The following NLRP1 variants were observed in gnomAD, a reference collection of about 807,000 sequenced individuals.
NLRP1 encodes NACHT, LRR and PYD domains-containing protein 1.
A neutral mutation model predicts 136.7 loss-of-function variants in NLRP1; 94 were observed. The observed-to-expected ratio is 0.69, with a 90% CI of 0.58 to 0.82. The LOEUF is 0.82. Ranked by LOEUF, NLRP1 falls within the 40% of genes least tolerant of loss-of-function variation. NLRP1 has a pLI of 0.00. For synonymous variants in NLRP1, 690 were observed against 725.1 expected (o/e 0.95, Z 0.78); for missense variants, 1,575 against 1,802.7 (o/e 0.87, Z 2.29).
intron 3 of NLRP1, among the ~76,000 whole-genome samples, chr17:5,564,514 T>C (rs1292379989): frequency 6.6e-6 from 1 of 152,186 alleles, no homozygotes; most frequent in African/African-American, 2.4e-5. Context: ...TCCATGTTTG[T>C]TGCAAATGAC....
intron 3 of NLRP1, among the ~76,000 whole-genome samples, chr17:5,567,934 T>C (rs917206877): frequency 5.3e-5 from 8 of 152,190 alleles, no homozygotes; most frequent in Admixed American, 3.3e-4. Flanking sequence ...GCCAGATGTA[T>C]TGGAACTCCA....
Position 5,559,021 on chromosome 17 carries a change from G to C in NLRP1, c.1675C>G (p.Leu559Val), listed in dbSNP as rs201536173. Residue 559 changes from leucine (L) to valine (V), a missense_variant, in exon 4 of 17, where the codon CTC (leucine) becomes GTC (valine). Coordinates refer to ENST00000572272, the MANE Select transcript of NLRP1 (RefSeq NM_033004.4). ...TLCLHYLAQA[L>V]QAQPLGPQLR... ...TGGGGTCCCAATGGCTGAGCTTGGA[G>C]AGCCTGGGCAAGGTAATGTAGACAG... is the stretch of plus-strand genomic sequence containing the variant. The C allele has an allele frequency of 4.0e-5, 65 of 1,614,026 alleles. No homozygotes were observed. The highest frequency in any genetic ancestry group is 5.5e-5 in the Non-Finnish European group (65 of 1,180,038).
At chr17:5,558,300 G>A (rs1371335619) in intron 4 of NLRP1, 39 bp downstream of exon 4, 35 of 1,557,574 alleles carry the variant, frequency 2.2e-5, no homozygotes, top group Non-Finnish European at 2.9e-5. Context: ...CTTATGGACT[G>A]ACAGAGGAGC....
chr17:5,514,422 T>C lies in NLRP1; in HGVS notation c.*332A>G. 1.7e-6 allele frequency: 2 copies of C among 1,158,898 alleles called. No individual in the cohort carries two copies. Among genetic ancestry groups the C allele is most frequent in the Non-Finnish European group, 2.1e-6 (2 of 932,732 alleles). The allele number at this position is 1,158,898 out of a possible 1,614,324, so 71.8% of individuals were successfully genotyped here. A position where few individuals can be genotyped will look rare whatever the true frequency, so the allele number is the denominator to read the frequency against. On this transcript the variant is annotated 3_prime_UTR_variant, in exon 17 of 17. Coordinates refer to ENST00000572272, the MANE Select transcript of NLRP1 (RefSeq NM_033004.4). ...ACACAGCCAGAGGCAAATGGTTCCA[T>C]GTCCCTCCTATTCCTCTTTGCGCCT...
intron 4 of NLRP1, among the ~76,000 whole-genome samples, chr17:5,555,017 T>TCACACACAAA (rs1555546861): frequency 0.01 from 1,457 of 142,436 alleles, 27 homozygotes; most frequent in African/African-American, 0.037. Context: ...TGAGATCCCA[T>TCACACACAAA]CACACACACA....
Position 5,559,058 on chromosome 17 carries a change from G to A in NLRP1, c.1638C>T (p.Thr546=). The change falls in exon 4 of 17, where the codon ACC becomes ACT. Residue 546 remains threonine (T), a synonymous_variant. Coordinates refer to ENST00000572272, the MANE Select transcript of NLRP1 (RefSeq NM_033004.4). ...GGTAATGTAGACAGAGGGTTGTGGT[G>A]GTCTTGGAAGTCAGTGTGAGTTTTT... is the stretch of plus-strand genomic sequence containing the variant. ...RKEKLTLTSK[T]TTTLCLHYLA... 6.2e-7 allele frequency: 1 copy of A among 1,614,142 alleles called. No homozygotes were observed.
In NLRP1 at chr17:5,561,536, C is replaced by T. The variant is rs530378123; in HGVS notation, c.653-1493G>A. 7.3e-4 allele frequency among the ~76,000 whole-genome samples: 41 copies of T among 56,294 alleles called. 4 individuals are homozygous for T. The East Asian group carries it at 0.012, about 17-fold the overall frequency. 36.9% of individuals were successfully genotyped at this position (56,294 alleles called of 152,430 possible). On this transcript the variant is annotated intron_variant, in intron 3 of 16. Coordinates refer to ENST00000572272, the MANE Select transcript of NLRP1 (RefSeq NM_033004.4). ...TCAGCTCACTGCAAGCTCCGCTTCC[C>T]GGGTTCACGCCATTCTCCTGCCTCA...
intron 5 of NLRP1, among the ~76,000 whole-genome samples, chr17:5,548,425 C>T (rs1912941412): frequency 6.6e-6 from 1 of 152,154 alleles, no homozygotes; most frequent in African/African-American, 2.4e-5. Context: ...CCATCAATGA[C>T]TCCTTCTCCT....
rs772230435 is a variant in NLRP1 at position 5,536,810 on chromosome 17, G to C, written c.2960+41C>G. The stretch of plus-strand genomic sequence containing the variant: ...CTTTCCCTGTCTCCTGCTCAGCCCT[G>C]GGCCTGGGTCAGCCAGAGGGAGTTC... On this transcript the variant is annotated intron_variant, in intron 8 of 16. Transcript: ENST00000572272. 1.6e-5 allele frequency: 23 copies of C among 1,437,474 alleles called. 1 individual carries two copies. The Admixed American group carries it at 3.9e-4, about 24-fold the overall frequency. The allele number at this position is 1,437,474 out of a possible 1,614,324, so 89.0% of individuals were successfully genotyped here. A position where few individuals can be genotyped will look rare whatever the true frequency, so the allele number is the denominator to read the frequency against.
At chr17:5,530,406 G>A in intron 12 of NLRP1, 75 bp downstream of exon 12, 1 of 1,373,510 alleles carries the variant, frequency 7.3e-7, no homozygotes, top group South Asian at 1.2e-5. Context: ...CCTCTCCCAG[G>A]AGATTATCAT....
intron 3 of NLRP1, among the ~76,000 whole-genome samples, chr17:5,577,151 A>G (rs2151825467): frequency 1.3e-5 from 2 of 152,356 alleles, no homozygotes; most frequent in East Asian, 3.9e-4. Context: ...CCGACAGCCA[A>G]TATCATACTG....
intron 4 of NLRP1, among the ~76,000 whole-genome samples, chr17:5,554,127 T>C (rs1411894493): frequency 6.6e-6 from 1 of 152,056 alleles, no homozygotes; most frequent in Non-Finnish European, 1.5e-5. Flanking sequence ...TATATGATCA[T>C]ATGCACTGCT....
At chr17:5,552,084 CTTTT>C (rs71151872) in intron 5 of NLRP1, among the ~76,000 whole-genome samples, 5 of 96,674 alleles carry the variant, frequency 5.2e-5, no homozygotes, top group South Asian at 3.8e-4. Flanking sequence ...TCTATCTTTC[CTTTT>C]TTTTTTTTTT....
intron 7 of NLRP1, among the ~76,000 whole-genome samples, chr17:5,538,272 G>C (rs376557876): frequency 1.3e-4 from 20 of 152,258 alleles, no homozygotes; most frequent in African/African-American, 4.3e-4. Context: ...TGTGGGGGTG[G>C]CTCCTCGGGG....
intron 12 of NLRP1, chr17:5,530,002 C>T: frequency 2.2e-6 from 1 of 456,762 alleles, no homozygotes; most frequent in Non-Finnish European, 4.4e-6. Flanking sequence ...TGGGAAGCCC[C>T]TGTTTCATGG....
chr17:5,539,852 T>C (rs1313714304), intron 6 of NLRP1, among the ~76,000 whole-genome samples: 3 of 152,208 alleles, frequency 2.0e-5, no homozygotes, highest in South Asian at 2.1e-4. Flanking sequence ...TCTGTCCACA[T>C]TGATGAGTAA....
At chr17:5,527,903 T>G (rs1374072771) in intron 12 of NLRP1, among the ~76,000 whole-genome samples, 1 of 152,096 alleles carries the variant, frequency 6.6e-6, no homozygotes, top group Non-Finnish European at 1.5e-5. Context: ...GGCCTGGGAG[T>G]CCTCACAATG....
In NLRP1 at chr17:5,553,426, T is replaced by C. The variant is rs201965456; in HGVS notation, c.2488A>G (p.Lys830Glu). 1.2e-6 allele frequency: 2 copies of C among 1,614,106 alleles called. No homozygotes were observed. Among genetic ancestry groups the C allele is most frequent in the Non-Finnish European group, 1.7e-6 (2 of 1,179,988 alleles). Reference sequence around the variant, plus strand: ...AGGCAGCGAGGGCGTCTCAGGGTCTTACAAAGACTCTTCACTGCAGAGTGG... The same window carrying C: ...AGGCAGCGAGGGCGTCTCAGGGTCTCACAAAGACTCTTCACTGCAGAGTGG... ...LSHSAVKSLCKTLRRPRCLLE... is the reference protein window; with the variant it reads ...LSHSAVKSLCETLRRPRCLLE... Residue 830 changes from lysine to glutamate, a missense_variant, in exon 5 of 17, where the codon AAG becomes GAG. By Grantham distance (56) the Lys-to-Glu change is moderately conservative. Coordinates refer to ENST00000572272, the MANE Select transcript of NLRP1 (RefSeq NM_033004.4).
Position 5,536,838 on chromosome 17 carries a change from G to A in NLRP1, c.2960+13C>T. ...CCTGGGTCAGCCAGAGGGAGTTCTG[G>A]GTCCCCCCTTACCGTCTGCTGAAGA... On this transcript the variant is annotated intron_variant, in intron 8 of 16. Transcript: ENST00000572272. 1.3e-6 allele frequency: 2 copies of A among 1,596,906 alleles called. No individual in the cohort carries two copies. Among genetic ancestry groups the A allele is most frequent in the Non-Finnish European group, 1.7e-6 (2 of 1,164,442 alleles).
Sources: allele counts gnomAD v4.1 joint callset (sites outside exome capture counted in the v4.1 genomes callset), GRCh38; gene constraint gnomAD v4.1.1; transcripts MANE v1.5; gene names NCBI Gene and HGNC (gene_info 2026-07-23, HGNC 2026-07-21).